Variants in ZNF875 observed in about 807,000 individuals in gnomAD.
ZNF875 encodes the protein HKR1, GLI-Kruppel zinc finger family member.
In ZNF875, 14 loss-of-function variants were observed where a neutral mutation model predicts 11.2. The ratio of observed to expected loss-of-function variants is 1.26; its 90% CI spans 0.83 to 1.96. The LOEUF is 1.96. ZNF875 is among the 30% of genes most tolerant of loss of function. The pLI is 0.00. For missense variants in ZNF875, 752 were observed against 760.4 expected, an observed-to-expected ratio of 0.99 and a Z score of 0.13; for synonymous variants, 301 against 281.1, an observed-to-expected ratio of 1.07 and a Z score of -0.71.
chr19:37,355,305 T>C (rs1160786138), intron 4 of ZNF875, among the ~76,000 whole-genome samples: 1 of 152,204 alleles, frequency 6.6e-6, no homozygotes, highest in Non-Finnish European at 1.5e-5. Context: ...TTCTCCTGCC[T>C]CAGCCTCCCA....
intron 2 of ZNF875, among the ~76,000 whole-genome samples, chr19:37,344,200 G>T (rs1294761144): frequency 2.0e-5 from 3 of 152,194 alleles, no homozygotes; most frequent in Non-Finnish European, 4.4e-5. Context: ...GGAGGAGAGA[G>T]GGGACTGTAA....
chr19:37,323,116 A>T (rs1385858128), intron 2 of ZNF875, among the ~76,000 whole-genome samples: 1 of 151,130 alleles, frequency 6.6e-6, no homozygotes, highest in Non-Finnish European at 1.5e-5. Context: ...TGTGTTCCTA[A>T]AGGAGGGTCA....
At chr19:37,344,328 A>G (rs994529916) in intron 2 of ZNF875, among the ~76,000 whole-genome samples, 2 of 152,126 alleles carry the variant, frequency 1.3e-5, no homozygotes, top group Non-Finnish European at 2.9e-5. Context: ...TCCCCCCGCA[A>G]TTTCTGATTC....
At chr19:37,329,715 T>C (rs117690090), upstream of ZNF875, among the ~76,000 whole-genome samples, 2,908 of 152,300 alleles carry the variant, frequency 0.019, 45 homozygotes, top group South Asian at 0.077. Context: ...TACACAAATA[T>C]TATGTTTCCT....
In ZNF875 at chr19:37,362,221, A is replaced by G; in HGVS notation, c.369A>G (p.Leu123=). Residue 123 remains leucine, a synonymous_variant, in exon 5 of 5, where the codon TTA becomes TTG. Transcript: ENST00000392153. ...LSHLSQLFSS[L]WAGNPLHLGK... The stretch of plus-strand genomic sequence containing the variant: ...ATCTCTCTCAGCTGTTTTCAAGTTT[A>G]TGGGCAGGAAATCCTCTCCACCTGG... 5.0e-6 allele frequency: 8 copies of G among 1,614,156 alleles called. No individual in the cohort carries two copies. Among genetic ancestry groups the G allele is most frequent in the Non-Finnish European group, 6.8e-6 (8 of 1,180,002 alleles).
At chr19:37,346,862 ATTCTTT>A (rs2036864301) in intron 2 of ZNF875, 1 of 255,048 alleles carries the variant, frequency 3.9e-6, no homozygotes, top group Non-Finnish European at 7.0e-6. Context: ...TTGACCTCTC[ATTCTTT>A]TTTTTTTTTT....
At chr19:37,347,973 C>A in intron 4 of ZNF875, 101 bp downstream of exon 4, 1 of 701,058 alleles carries the variant, frequency 1.4e-6, no homozygotes. Flanking sequence ...CTTCAGGCCT[C>A]CTAAGCCAAG....
At chr19:37,322,641 G>A (rs1294480110) in intron 2 of ZNF875, among the ~76,000 whole-genome samples, 1 of 152,200 alleles carries the variant, frequency 6.6e-6, no homozygotes, top group African/African-American at 2.4e-5. Flanking sequence ...CAGGGTGGCT[G>A]ATTTCCAGGT....
upstream of ZNF875, among the ~76,000 whole-genome samples, chr19:37,317,482 T>C (rs2030309850): frequency 6.6e-6 from 1 of 152,202 alleles, no homozygotes; most frequent in African/African-American, 2.4e-5. Context: ...CACTAGCCTG[T>C]TTTTTGATAA....
rs1472350495 is a variant in ZNF875, at chr19:37,325,296, C to T, written c.-603+1031C>T. 3.9e-5 allele frequency among the ~76,000 whole-genome samples: 6 copies of T among 152,214 alleles called. No homozygotes were observed. The South Asian group carries it at 8.3e-4, about 21-fold the overall frequency. ...GAAGGTACCCACCAGATGTGTCTGT[C>T]GCTTCCCTCCATCCACCTCTATTGT... is the stretch of plus-strand genomic sequence containing the variant. On this transcript the variant is annotated intron_variant, in intron 4 of 5. Transcript: ENST00000544914.
At chr19:37,336,163 CT>C (rs368029724) in intron 2 of ZNF875, among the ~76,000 whole-genome samples, 8 of 152,226 alleles carry the variant, frequency 5.3e-5, no homozygotes, top group African/African-American at 1.9e-4. Flanking sequence ...TCAATTGCCC[CT>C]GACTGGTTTG....
At chr19:37,315,902 G>A (rs116971428), upstream of ZNF875, among the ~76,000 whole-genome samples, 958 of 152,208 alleles carry the variant, frequency 6.3e-3, 25 homozygotes, top group East Asian at 0.053. Context: ...AAGACAGGCT[G>A]AGGTGAATGT....
At chr19:37,360,455 A>AG (rs1344801519) in intron 4 of ZNF875, among the ~76,000 whole-genome samples, 1 of 152,218 alleles carries the variant, frequency 6.6e-6, no homozygotes, top group Non-Finnish European at 1.5e-5. Flanking sequence ...AATTTCCAAA[A>AG]GGGAAAAAAA....
rs762646335 is a variant in ZNF875 at position 37,363,364 on chromosome 19, G to A, written c.1512G>A (p.Lys504=). The A allele has an allele frequency of 1.9e-6, 3 of 1,612,724 alleles. No homozygotes were observed. Among genetic ancestry groups the A allele is most frequent in the Admixed American group, 1.7e-5 (1 of 59,934 alleles). The change falls in exon 5 of 5, where the codon AAG becomes AAA. Residue 504 remains lysine, a synonymous_variant. Coordinates refer to ENST00000392153, the MANE Select transcript of ZNF875 (RefSeq NM_001353803.2). The part of the protein sequence containing the change: ...STHQRTHSGE[K]PFVCAECGRG... ...ACCAGAGGACACACTCAGGGGAGAA[G>A]CCATTTGTATGTGCTGAGTGTGGAC...
chr19:37,320,570 G>C (rs1395783722), intron 1 of ZNF875, among the ~76,000 whole-genome samples: 4 of 152,194 alleles, frequency 2.6e-5, no homozygotes, highest in African/African-American at 7.2e-5. Context: ...CATGCTTATA[G>C]TCAGGATTTC....
chr19:37,355,270 A>G (rs1050395824), intron 4 of ZNF875, among the ~76,000 whole-genome samples: 2 of 152,034 alleles, frequency 1.3e-5, no homozygotes, highest in African/African-American at 4.8e-5. Flanking sequence ...GCTCACTGCA[A>G]CCTCCGCCTC....
intron 4 of ZNF875, among the ~76,000 whole-genome samples, chr19:37,354,236 CT>C (rs2038474323): frequency 1.7e-5 from 1 of 58,690 alleles, no homozygotes; most frequent in Non-Finnish European, 3.1e-5. Context: ...CTCCCCTCCT[CT>C]CCCCTCCTCT....
chr19:37,352,781 C>CT (rs201009756), intron 4 of ZNF875, among the ~76,000 whole-genome samples: 2 of 149,852 alleles, frequency 1.3e-5, no homozygotes, highest in Non-Finnish European at 3.0e-5. Context: ...CCAGATTTTT[C>CT]TTTGTTTTCT....
chr19:37,326,975 CTTATT>C (rs985928260), intron 4 of ZNF875, among the ~76,000 whole-genome samples: 7 of 151,204 alleles, frequency 4.6e-5, no homozygotes, highest in African/African-American at 1.5e-4. Context: ...ACCTAGACAG[CTTATT>C]TTATTTTATT....
Sources: allele counts gnomAD v4.1 joint callset (sites outside exome capture counted in the v4.1 genomes callset), GRCh38; gene constraint gnomAD v4.1.1; transcripts MANE v1.5; gene names NCBI Gene and HGNC (gene_info 2026-07-23, HGNC 2026-07-21).